Variants in ATRX observed in about 807,000 individuals in gnomAD.
The protein encoded by ATRX is chromatin remodeler ATRX.
ATRX carries 12 observed loss-of-function variants against 172.6 expected under a neutral mutation model. That is an observed-to-expected ratio of 0.07 (90% CI 0.04 to 0.11). The LOEUF is 0.11. Among genes scored for constraint, ATRX ranks in the 10% least tolerant of loss-of-function variants. ATRX has a pLI of 1.00. For synonymous variants in ATRX, 674 were observed against 594.7 expected (o/e 1.13, Z -1.94); for missense variants, 1,368 against 1,767.4 (o/e 0.77, Z 4.05).
At chrX:77,572,051 A>AT (rs1314203869) in intron 28 of ATRX, among the ~76,000 whole-genome samples, 2 of 111,654 alleles carry the variant, frequency 1.8e-5, no homozygotes, top group African/African-American at 6.5e-5. Flanking sequence ...ACATTTGTGG[A>AT]TTTTTTCCTT....
chrX:77,624,645 A>C (rs1222410265), intron 19 of ATRX, among the ~76,000 whole-genome samples: 3 of 111,614 alleles, frequency 2.7e-5, no homozygotes, highest in Non-Finnish European at 3.8e-5. Context: ...ATAAATACAT[A>C]AATAAATAAA....
intron 30 of ATRX, among the ~76,000 whole-genome samples, chrX:77,537,105 T>C (rs2063774333): frequency 8.9e-6 from 1 of 112,049 alleles, no homozygotes; most frequent in Non-Finnish European, 1.9e-5. Flanking sequence ...TAAGTAGCCA[T>C]ATGGAGCTAG....
At chrX:77,693,777 T>C (rs782403558) in intron 6 of ATRX, 47 bp downstream of exon 6, 2 of 1,028,496 alleles carry the variant, frequency 1.9e-6, no homozygotes, top group Non-Finnish European at 2.7e-6. Flanking sequence ...TCCAATATGG[T>C]CATAAACAGC....
intron 30 of ATRX, among the ~76,000 whole-genome samples, chrX:77,538,269 T>C (rs1339796264): frequency 1.0e-5 from 1 of 97,547 alleles, no homozygotes; most frequent in Non-Finnish European, 2.0e-5. Context: ...ACACACACCA[T>C]GGAATACTAC....
intron 32 of ATRX, chrX:77,521,918 A>G: frequency 4.3e-6 from 1 of 232,508 alleles, no homozygotes; most frequent in East Asian, 9.7e-5. Flanking sequence ...GAAGTTAATG[A>G]GTATATTTAT....
chrX:77,620,763 G>T (rs2067546072), intron 19 of ATRX, among the ~76,000 whole-genome samples: 1 of 111,361 alleles, frequency 9.0e-6, no homozygotes, highest in Admixed American at 9.6e-5. Flanking sequence ...ATAAATGGTA[G>T]TCAGGGTCCT....
chrX:77,523,294 T>G lies in ATRX; in HGVS notation c.6807A>C (p.Glu2269Asp), dbSNP rs1557042380. The G allele has an allele frequency of 1.7e-6, 2 of 1,211,581 alleles. No homozygotes were observed. The highest frequency in any genetic ancestry group is 4.3e-5 in the Admixed American group (2 of 46,037). ...ACTCAGCCCAAGCTGCTTTTCTTTCTTCTTCAGTCAACTCTTCTTCTTCTT... is the reference window on the plus strand; with the variant it reads ...ACTCAGCCCAAGCTGCTTTTCTTTCGTCTTCAGTCAACTCTTCTTCTTCTT... ...DHKEEEELTE[E>D]ERKAAWAEYE... The change falls in exon 31 of 35, where the codon GAA becomes GAC. Residue 2269 changes from glutamate (E) to aspartate (D), a missense_variant. Physicochemically the swap from Glu to Asp is conservative, Grantham distance 45 (BLOSUM62 2). Transcript: ENST00000373344.
intron 5 of ATRX, among the ~76,000 whole-genome samples, chrX:77,694,929 G>T (rs144347080): frequency 1.0e-3 from 108 of 104,094 alleles, no homozygotes; most frequent in African/African-American, 3.7e-3. Context: ...AGATGATTGA[G>T]ATTTTACAGA....
chrX:77,683,920 C>T lies in ATRX; in HGVS notation c.1336G>A (p.Gly446Arg). 8.3e-7 allele frequency: 1 copy of T among 1,209,203 alleles called. No homozygotes were observed. The highest frequency in any genetic ancestry group is 2.3e-4 in the Middle Eastern group (1 of 4,346). Residue 446 changes from glycine to arginine, a missense_variant, in exon 9 of 35, where the codon GGA becomes AGA. Physicochemically the swap from Gly to Arg is moderately radical, Grantham distance 125. This residue lies in a region of ATRX where 843 missense variants were observed against 643.1 expected (regional missense o/e 1.31). Transcript: ENST00000373344. ...TTTTCCAAAGCACAAGGTTTTTCTCCTTTTCGTGCTTTTGTTTCAAACTTA... is the reference window on the plus strand; with the variant it reads ...TTTTCCAAAGCACAAGGTTTTTCTCTTTTTCGTGCTTTTGTTTCAAACTTA... ...DAKFETKARK[G>R]EKPCALEKKD...
At chrX:77,557,188 A>G (rs782248910) in intron 30 of ATRX, among the ~76,000 whole-genome samples, 13 of 112,143 alleles carry the variant, frequency 1.2e-4, no homozygotes, top group African/African-American at 3.9e-4. Context: ...TGTAAAGTAT[A>G]TTAGAAAATA....
intron 1 of ATRX, among the ~76,000 whole-genome samples, chrX:77,756,301 G>A (rs782086214): frequency 2.7e-5 from 3 of 110,686 alleles, no homozygotes; most frequent in Non-Finnish European, 3.8e-5. Flanking sequence ...AGTGGGACCC[G>A]CTAAGCAAGA....
rs140420548 is a variant in ATRX, at chrX:77,590,845, G to A, written c.6111-905C>T. Among the ~76,000 whole-genome samples the A allele has an allele frequency of 1.6e-3, 179 of 111,600 alleles. 2 individuals carry two copies. In the East Asian group the frequency reaches 0.042, roughly 26 times the overall value. ...AGAAAATCTTCATAACATGGGTTAGGTAAAAAATTATTTACACATGACACA... is the reference window on the plus strand; with the variant it reads ...AGAAAATCTTCATAACATGGGTTAGATAAAAAATTATTTACACATGACACA... On this transcript the variant is annotated intron_variant, in intron 26 of 34. Transcript: ENST00000373344.
intron 9 of ATRX, among the ~76,000 whole-genome samples, chrX:77,678,438 G>T (rs2071020834): frequency 8.9e-6 from 1 of 112,198 alleles, no homozygotes; most frequent in Non-Finnish European, 1.9e-5. Flanking sequence ...AAATATTTAA[G>T]TAGTTCACTT....
intron 15 of ATRX, 51 bp downstream of exon 15, chrX:77,652,063 A>G: frequency 8.5e-7 from 1 of 1,180,278 alleles, no homozygotes; most frequent in Admixed American, 2.2e-5. Context: ...TGGGCAACAG[A>G]GCAAGACCCT....
intron 28 of ATRX, chrX:77,561,547 C>CAT (rs1192858031): frequency 9.0e-6 from 1 of 110,917 alleles, no homozygotes; most frequent in Admixed American, 9.6e-5. Context: ...CTGTCAGGTA[C>CAT]ATATCTAAGA....
intron 2 of ATRX, among the ~76,000 whole-genome samples, chrX:77,714,876 T>C (rs1424562160): frequency 8.9e-6 from 1 of 112,097 alleles, no homozygotes; most frequent in Non-Finnish European, 1.9e-5. Flanking sequence ...ACTGGGGTAA[T>C]TGATGAAATA....
intron 19 of ATRX, among the ~76,000 whole-genome samples, chrX:77,629,150 T>C (rs1557104532): frequency 8.9e-6 from 1 of 112,460 alleles, no homozygotes; most frequent in Non-Finnish European, 1.9e-5. Flanking sequence ...GTTCTGACAT[T>C]TTGTTTCCAT....
rs2148579089 is a variant in ATRX at position 77,682,044 on chromosome X, C to G, written c.3212G>C (p.Gly1071Ala). ...SDYAEKSTGK[G>A]DSCDSSEDKK... The stretch of plus-strand genomic sequence containing the variant: ...ATCCTCTGAAGAGTCACAACTATCT[C>G]CTTTCCCTGTTGACTTCTCAGCATA... Residue 1071 changes from glycine (G) to alanine (A), a missense_variant, in exon 9 of 35, where the codon GGA (glycine) becomes GCA (alanine). Gly to Ala is a moderately conservative substitution (Grantham distance 60). Around this residue, in one of 17 missense-constraint regions of ATRX, gnomAD observed 843 missense variants for 643.1 expected, o/e 1.31. Coordinates refer to ENST00000373344, the MANE Select transcript of ATRX (RefSeq NM_000489.6). 8.3e-7 allele frequency: 1 copy of G among 1,211,191 alleles called. No homozygotes were observed. The highest frequency in any genetic ancestry group is 1.1e-6 in the Non-Finnish European group (1 of 895,069).
At chrX:77,716,780 T>A (rs781936535) in intron 2 of ATRX, among the ~76,000 whole-genome samples, 4 of 111,808 alleles carry the variant, frequency 3.6e-5, no homozygotes, top group Admixed American at 2.9e-4. Flanking sequence ...AATACATGAA[T>A]GATTGCTAGG....
Sources: gnomAD v4.1 joint callset for allele counts (sites outside exome capture counted in the v4.1 genomes callset) on GRCh38, gnomAD v4.1.1 for gene constraint, gnomAD v4.1.1 regional missense constraint, MANE v1.5 for transcripts, NCBI Gene and HGNC (gene_info 2026-07-23, HGNC 2026-07-21) for gene names.